PRKG1: variants seen among roughly 807,000 people sequenced by gnomAD.
PRKG1 encodes the protein cGMP-dependent protein kinase 1.
Under a neutral mutation model 88.1 loss-of-function variants are expected in PRKG1, and 35 were observed. The ratio of observed to expected loss-of-function variants is 0.40; its 90% confidence interval spans 0.30 to 0.53. The LOEUF is 0.53. Among genes scored for constraint, PRKG1 ranks in the 20% least tolerant of loss-of-function variants. The probability of loss-of-function intolerance (pLI) is 0.59; values close to 1 mark genes in which losing one functional copy is unlikely to be tolerated. For missense variants in PRKG1, 540 were observed against 839.8 expected, an observed-to-expected ratio of 0.64 and a Z score of 4.41; for synonymous variants, 303 against 292.5, an observed-to-expected ratio of 1.04 and a Z score of -0.37.
chr10:52,201,406 GTTTA>G (rs1839664903), intron 9 of PRKG1, among the ~76,000 whole-genome samples: 1 of 151,912 alleles, frequency 6.6e-6, no homozygotes, highest in Non-Finnish European at 1.5e-5. Context: ...CATTCTATTT[GTTTA>G]TTTGTCTGTT....
chr10:51,576,632 A>G (rs1409717622), intron 3 of PRKG1, among the ~76,000 whole-genome samples: 4 of 151,996 alleles, frequency 2.6e-5, no homozygotes, highest in African/African-American at 9.7e-5. Context: ...CATCCATCTA[A>G]GCAACCAAAC....
At chr10:52,274,537 AC>A (rs1841820783) in intron 12 of PRKG1, among the ~76,000 whole-genome samples, 3 of 143,932 alleles carry the variant, frequency 2.1e-5, no homozygotes, top group Admixed American at 8.3e-5. Context: ...ATATATATAC[AC>A]ACACACACAT....
rs1459622572 is a variant in PRKG1, at chr10:51,944,924, A to G, written c.762+37354A>G. Among the ~76,000 whole-genome samples, 3 of 151,728 alleles carry G rather than the reference A, an allele frequency of 2.0e-5. No individual in the cohort carries two copies. The East Asian group carries it at 5.8e-4, about 29-fold the overall frequency. On this transcript the variant is annotated intron_variant, in intron 5 of 17. Transcript: ENST00000373980. Reference sequence around the variant, plus strand: ...TGTGGTGTGGTGCTGAAAAAAATGTATATTCTGTTGATTTGGGGTGGAGAG... The same window carrying G: ...TGTGGTGTGGTGCTGAAAAAAATGTGTATTCTGTTGATTTGGGGTGGAGAG...
intron 2 of PRKG1, among the ~76,000 whole-genome samples, chr10:51,176,175 A>G (rs967247235): frequency 2.0e-5 from 3 of 152,164 alleles, no homozygotes; most frequent in African/African-American, 7.2e-5. Context: ...GGTTATTTTT[A>G]TTACATTATC....
chr10:52,117,636 T>TA (rs1350079129), intron 7 of PRKG1, among the ~76,000 whole-genome samples: 4 of 152,066 alleles, frequency 2.6e-5, no homozygotes, highest in African/African-American at 7.2e-5. Flanking sequence ...TATCTTTTAT[T>TA]AAAAAATAGA....
chr10:51,572,802 A>G (rs929314783), intron 3 of PRKG1, among the ~76,000 whole-genome samples: 1 of 151,594 alleles, frequency 6.6e-6, no homozygotes, highest in Non-Finnish European at 1.5e-5. Flanking sequence ...TCTAACACCT[A>G]CCCCAATATT....
chr10:52,247,878 G>A (rs534466385), intron 9 of PRKG1, among the ~76,000 whole-genome samples: 20 of 152,244 alleles, frequency 1.3e-4, no homozygotes, highest in African/African-American at 4.8e-4. Context: ...GGTGTGAAGT[G>A]GGAAATCATG....
At chr10:51,757,778 A>T (rs1048867928) in intron 3 of PRKG1, among the ~76,000 whole-genome samples, 1 of 152,184 alleles carries the variant, frequency 6.6e-6, no homozygotes, top group Non-Finnish European at 1.5e-5. Flanking sequence ...ATATTGTGTT[A>T]AAAAAATTAC....
intron 2 of PRKG1, among the ~76,000 whole-genome samples, chr10:51,219,180 A>G (rs1838456891): frequency 1.3e-5 from 2 of 152,224 alleles, no homozygotes; most frequent in South Asian, 4.1e-4. Context: ...ATTAGTGGTG[A>G]ACACACTTCA....
chr10:51,313,704 C>T (rs1028991131), intron 2 of PRKG1, among the ~76,000 whole-genome samples: 1 of 152,066 alleles, frequency 6.6e-6, no homozygotes, highest in Non-Finnish European at 1.5e-5. Context: ...GAGCGGGTAC[C>T]AAAATTTGCA....
At chr10:51,683,047 A>G (rs1840890451) in intron 3 of PRKG1, among the ~76,000 whole-genome samples, 1 of 152,244 alleles carries the variant, frequency 6.6e-6, no homozygotes, top group South Asian at 2.1e-4. Context: ...TACTTACCAG[A>G]GAAATGGTGA....
chr10:51,118,741 G>A (rs1845194419), intron 1 of PRKG1, among the ~76,000 whole-genome samples: 1 of 152,058 alleles, frequency 6.6e-6, no homozygotes, highest in Admixed American at 6.6e-5. Context: ...ACCTACTGTT[G>A]TTCTATTCGT....
At chr10:52,251,311 A>T (rs1281359595) in intron 9 of PRKG1, among the ~76,000 whole-genome samples, 3 of 152,148 alleles carry the variant, frequency 2.0e-5, no homozygotes, top group Admixed American at 2.0e-4. Flanking sequence ...TGATAACTGG[A>T]TTTATCAGTC....
At chr10:51,828,611 C>T (rs771036328) in intron 4 of PRKG1, among the ~76,000 whole-genome samples, 9 of 152,096 alleles carry the variant, frequency 5.9e-5, no homozygotes, top group Non-Finnish European at 1.0e-4. Context: ...TACACAGCAT[C>T]GTCTTTGATG....
intron 2 of PRKG1, among the ~76,000 whole-genome samples, chr10:51,287,369 G>T (rs1483461291): frequency 6.6e-6 from 1 of 152,168 alleles, no homozygotes; most frequent in Non-Finnish European, 1.5e-5. Flanking sequence ...AATAATTTGA[G>T]AAGATACCTG....
intron 3 of PRKG1, chr10:51,699,097 GAC>G: frequency 6.2e-7 from 1 of 1,614,212 alleles, no homozygotes. Flanking sequence ...GGCTGTTTTG[GAC>G]ACAGAGCTTC....
chr10:52,068,645 A>ATC (rs1269987483), intron 7 of PRKG1, among the ~76,000 whole-genome samples: 3 of 152,094 alleles, frequency 2.0e-5, no homozygotes, highest in African/African-American at 7.2e-5. Context: ...AGCTGTCATC[A>ATC]TCACTACCAC....
At position 51,938,099 on chromosome 10, in the gene PRKG1, T is replaced by C. The variant is rs115400172; in HGVS notation, c.762+30529T>C. 4.1e-3 allele frequency among the ~76,000 whole-genome samples: 620 copies of C among 152,196 alleles called. 6 individuals carry two copies. Among genetic ancestry groups the C allele is most frequent in the African/African-American group, 0.014 (593 of 41,542 alleles). Reference sequence around the variant, plus strand: ...TGACATGTCATCAGAAGGTCAATAGTAGGCTAATACAATGTTCATGATGCC... The same window carrying C: ...TGACATGTCATCAGAAGGTCAATAGCAGGCTAATACAATGTTCATGATGCC... On this transcript the variant is annotated intron_variant, in intron 5 of 17. Transcript: ENST00000373980.
chr10:50,996,536 G>A (rs528170381), intron 1 of PRKG1, among the ~76,000 whole-genome samples: 10 of 152,368 alleles, frequency 6.6e-5, no homozygotes, highest in African/African-American at 2.4e-4. Flanking sequence ...CATTGGATCT[G>A]CTGTGCCAGG....
Sources: gnomAD v4.1 joint callset for allele counts (sites outside exome capture counted in the v4.1 genomes callset) on GRCh38, gnomAD v4.1.1 for gene constraint, MANE v1.5 for transcripts, NCBI Gene and HGNC (gene_info 2026-07-23, HGNC 2026-07-21) for gene names.